Variants in METTL16 observed in about 807,000 individuals in gnomAD.
METTL16 encodes the protein RNA N(6)-adenosine-methyltransferase METTL16.
In METTL16, 19 loss-of-function variants were observed where a neutral mutation model predicts 57.9. The ratio of observed to expected loss-of-function variants is 0.33; its 90% CI spans 0.23 to 0.48. The LOEUF (loss-of-function observed/expected upper bound fraction) is 0.48. Ranked by LOEUF, METTL16 falls within the 20% of genes least tolerant of loss-of-function variation. The pLI is 0.99. For missense variants in METTL16, 434 were observed against 691.5 expected, an observed-to-expected ratio of 0.63 and a Z score of 4.18; for synonymous variants, 246 against 255.6, an observed-to-expected ratio of 0.96 and a Z score of 0.36.
rs893774406 is a variant in METTL16, at chr17:2,496,280, A to T, written c.128+5924T>A. 1.4e-4 allele frequency among the ~76,000 whole-genome samples: 21 copies of T among 151,616 alleles called. 1 individual carries two copies. The highest frequency in any genetic ancestry group is 4.4e-4 in the African/African-American group (18 of 40,938). The stretch of plus-strand genomic sequence containing the variant: ...CTGTCTACTTAGTTAGAAATATTTA[A>T]AAAAAAGTTCCAAATTACGTCAAAC... On this transcript the variant is annotated intron_variant, in intron 2 of 9. Coordinates refer to ENST00000263092, the MANE Select transcript of METTL16 (RefSeq NM_024086.4).
At chr17:2,491,851 G>C (rs1331371674) in intron 2 of METTL16, among the ~76,000 whole-genome samples, 13 of 140,026 alleles carry the variant, frequency 9.3e-5, no homozygotes, top group Non-Finnish European at 1.7e-4. Context: ...CTCCAGCCTG[G>C]GCGACAGAGC....
At chr17:2,437,380 G>C (rs1042900633) in intron 8 of METTL16, among the ~76,000 whole-genome samples, 1 of 152,086 alleles carries the variant, frequency 6.6e-6, no homozygotes, top group Admixed American at 6.6e-5. Flanking sequence ...CAACTTCTAC[G>C]TTCTCCAGGA....
intron 1 of METTL16, among the ~76,000 whole-genome samples, chr17:2,509,471 G>C (rs983447970): frequency 2.0e-5 from 3 of 148,126 alleles, no homozygotes; most frequent in African/African-American, 8.0e-5. Flanking sequence ...TGTGTTCCTA[G>C]CTACTAGGGA....
At chr17:2,461,169 A>C (rs1323308748) in intron 6 of METTL16, among the ~76,000 whole-genome samples, 1 of 152,166 alleles carries the variant, frequency 6.6e-6, no homozygotes, top group East Asian at 1.9e-4. Flanking sequence ...CCTGGCCAAC[A>C]TGGTGAAACC....
intron 5 of METTL16, among the ~76,000 whole-genome samples, chr17:2,466,186 T>G (rs544697056): frequency 1.7e-5 from 2 of 119,032 alleles, no homozygotes; most frequent in African/African-American, 7.6e-5. Flanking sequence ...AGAGTAAGAC[T>G]CTGTCACAAA....
rs144261836 is a variant in METTL16 at position 2,487,986 on chromosome 17, C to T, written c.129-10101G>A. On this transcript the variant is annotated intron_variant, in intron 2 of 9. Coordinates refer to ENST00000263092, the MANE Select transcript of METTL16 (RefSeq NM_024086.4). ...CATCACTGTATTCCAGCCCAGGCAA[C>T]AGAGCAAGACCCAGTCTCAAATAAA... Among the ~76,000 whole-genome samples the T allele has an allele frequency of 2.1e-3, 321 of 151,752 alleles. 1 individual carries two copies. Among genetic ancestry groups the T allele is most frequent in the African/African-American group, 7.3e-3 (303 of 41,348 alleles).
chr17:2,466,971 TGTTTTTGTA>T (rs2067202958), intron 5 of METTL16, among the ~76,000 whole-genome samples: 1 of 151,680 alleles, frequency 6.6e-6, no homozygotes, highest in Admixed American at 6.6e-5. Context: ...CCTGGTTAAT[TGTTTTTGTA>T]GTTTTTGTAG....
intron 6 of METTL16, among the ~76,000 whole-genome samples, chr17:2,457,481 C>A (rs557137220): frequency 6.6e-6 from 1 of 151,714 alleles, no homozygotes. Flanking sequence ...CCGAGGCAGG[C>A]GGATAACCTG....
At chr17:2,453,887 T>A (rs1050419585) in intron 6 of METTL16, among the ~76,000 whole-genome samples, 36 of 152,232 alleles carry the variant, frequency 2.4e-4, no homozygotes, top group Admixed American at 2.0e-3. Context: ...ACATGAAAAA[T>A]CTAACTTTAA....
chr17:2,417,972 G>A lies in METTL16; in HGVS notation c.*1998C>T, dbSNP rs547705547. ...TGACTCAAATGTAATATTCACTCGAGGTAAGGACAGTGGGGTGGTGTGGGC... is the reference window on the plus strand; with the variant it reads ...TGACTCAAATGTAATATTCACTCGAAGTAAGGACAGTGGGGTGGTGTGGGC... On this transcript the variant is annotated 3_prime_UTR_variant, in exon 10 of 10. Coordinates refer to ENST00000263092, the MANE Select transcript of METTL16 (RefSeq NM_024086.4). 1 of 152,272 alleles carries A rather than the reference G, an allele frequency of 6.6e-6. No individual in the cohort carries two copies. Among genetic ancestry groups the A allele is most frequent in the South Asian group, 2.1e-4 (1 of 4,824 alleles). 9.4% of individuals were successfully genotyped at this position (152,272 alleles called of 1,614,324 possible).
At chr17:2,471,196 G>A (rs746289788) in intron 4 of METTL16, among the ~76,000 whole-genome samples, 9 of 152,148 alleles carry the variant, frequency 5.9e-5, no homozygotes, top group Non-Finnish European at 1.3e-4. Context: ...GAAAGTAACA[G>A]AGTCCTGCTC....
chr17:2,463,610 C>A (rs773024327), intron 6 of METTL16, among the ~76,000 whole-genome samples: 2 of 151,908 alleles, frequency 1.3e-5, no homozygotes, highest in South Asian at 4.2e-4. Context: ...TACAGGCACC[C>A]ACCACCACAC....
At chr17:2,456,786 TG>T (rs1214826408) in intron 6 of METTL16, among the ~76,000 whole-genome samples, 1 of 152,040 alleles carries the variant, frequency 6.6e-6, no homozygotes, top group East Asian at 1.9e-4. Context: ...CTACTTATTT[TG>T]TATTTATTTA....
intron 6 of METTL16, chr17:2,460,039 C>G (rs933555105): frequency 1.3e-5 from 2 of 152,102 alleles, no homozygotes; most frequent in African/African-American, 4.8e-5. Context: ...TATATACATG[C>G]ATGGGGACAC....
chr17:2,430,278 A>T (rs941095711), intron 8 of METTL16, among the ~76,000 whole-genome samples: 5 of 145,286 alleles, frequency 3.4e-5, no homozygotes, highest in Non-Finnish European at 7.6e-5. Flanking sequence ...ACTCCTGGCT[A>T]TTTTTTTTTT....
At chr17:2,452,336 T>C (rs2067077384) in intron 6 of METTL16, among the ~76,000 whole-genome samples, 1 of 152,160 alleles carries the variant, frequency 6.6e-6, no homozygotes. Flanking sequence ...GAATGTCATA[T>C]ATACGCTGTT....
intron 2 of METTL16, among the ~76,000 whole-genome samples, chr17:2,495,546 T>C (rs2067437784): frequency 1.3e-5 from 2 of 150,354 alleles, no homozygotes; most frequent in Admixed American, 1.3e-4. Flanking sequence ...AATACAAAAA[T>C]TAGCCAGGTG....
intron 4 of METTL16, among the ~76,000 whole-genome samples, chr17:2,468,149 T>C (rs541453062): frequency 6.6e-6 from 1 of 152,352 alleles, no homozygotes; most frequent in South Asian, 2.1e-4. Context: ...GGCCCAGGTG[T>C]GTAGTAGGCT....
At chr17:2,491,662 T>C (rs575565734) in intron 2 of METTL16, among the ~76,000 whole-genome samples, 9 of 151,494 alleles carry the variant, frequency 5.9e-5, no homozygotes, top group Admixed American at 2.0e-4. Context: ...AATCACGAGG[T>C]CAGGAGATGG....
Sources: allele counts gnomAD v4.1 joint callset (sites outside exome capture counted in the v4.1 genomes callset), GRCh38; gene constraint gnomAD v4.1.1; transcripts MANE v1.5; gene names NCBI Gene and HGNC (gene_info 2026-07-23, HGNC 2026-07-21).